Variants in DHX38 observed in about 807,000 individuals in gnomAD.
The protein encoded by DHX38 is DEAH-box helicase 38.
DHX38 carries 100 observed loss-of-function variants against 153.1 expected under a neutral mutation model. The ratio of observed to expected loss-of-function variants is 0.65; its 90% CI spans 0.56 to 0.77. DHX38 has a LOEUF of 0.77. Among genes scored for constraint, DHX38 ranks in the 30% least tolerant of loss-of-function variants. The pLI, the probability that DHX38 is intolerant of heterozygous loss-of-function variation, is 0.00. For synonymous variants in DHX38, 650 were observed against 631.7 expected (o/e 1.03, Z -0.43); for missense variants, 1,440 against 1,654.0 (o/e 0.87, Z 2.24).
In DHX38 at chr16:72,108,296, C is replaced by G. The variant is rs1377960926; in HGVS notation, c.3034C>G (p.Leu1012Val). ...TCCTGAGAGCGATCATTTGACCTAC[C>G]TGAATGTTTACCTGCAGTGGAAGAA... The part of the protein sequence containing the change: ...AVPESDHLTY[L>V]NVYLQWKNNN... Residue 1012 changes from leucine (L) to valine (V), a missense_variant, in exon 22 of 27, where the codon CTG (leucine) becomes GTG (valine). Leu to Val is a conservative substitution (Grantham distance 32, BLOSUM62 1). This residue lies in a region of DHX38 where 543 missense variants were observed against 717.9 expected (regional missense o/e 0.76). Transcript: ENST00000268482. 1 of 1,614,138 alleles carries G rather than the reference C, an allele frequency of 6.2e-7. No individual in the cohort carries two copies. Among genetic ancestry groups the G allele is most frequent in the East Asian group, 2.2e-5 (1 of 44,878 alleles).
rs1048036389 is a variant in DHX38, at chr16:72,096,748, T to G, written c.324-74T>G. On this transcript the variant is annotated intron_variant, in intron 2 of 26. Coordinates refer to ENST00000268482, the MANE Select transcript of DHX38 (RefSeq NM_014003.4). The stretch of plus-strand genomic sequence containing the variant: ...AGTGGAAAAGGACAGATCACTTGTT[T>G]GGACAGCCAAAGGTTTTAGGGCAGA... The G allele has an allele frequency of 5.2e-6, 8 of 1,529,000 alleles. No individual in the cohort carries two copies. The African/African-American group carries it at 1.1e-4, about 21-fold the overall frequency. The allele number at this position is 1,529,000 out of a possible 1,614,324, so 94.7% of individuals were successfully genotyped here.
intron 24 of DHX38, 81 bp from the exon 25 acceptor site, chr16:72,109,334 T>C (rs2042227350): frequency 3.4e-6 from 5 of 1,479,266 alleles, no homozygotes; most frequent in East Asian, 2.4e-5. Context: ...GCCCTTCCCA[T>C]GTGGCTCCTA....
rs1022452030 is a variant in DHX38 at position 72,101,251 on chromosome 16, T to G, written c.1386+58T>G. The stretch of plus-strand genomic sequence containing the variant: ...ATGTGTATTTTTTTCTTTTTTCTTC[T>G]CTTCATAAGTCTTACTAGGCCCACA... On this transcript the variant is annotated intron_variant, in intron 10 of 26. Transcript: ENST00000268482. The G allele has an allele frequency of 4.4e-6, 7 of 1,576,806 alleles. No individual in the cohort carries two copies. The African/African-American group carries it at 9.5e-5, about 21-fold the overall frequency.
In DHX38 at chr16:72,103,668, C is replaced by G. The variant is rs762775948; in HGVS notation, c.1704C>G (p.Tyr568Ter). The change falls in exon 13 of 27, where the codon TAC becomes TAG. Residue 568 changes from tyrosine (Y) to a stop codon, truncating the protein, a stop_gained. Transcript: ENST00000268482. LOFTEE classifies it high-confidence loss of function. ...GSGKTTQLTQ[Y>*]LHEDGYTDYG... Reference sequence around the variant, plus strand: ...GTAAGACCACTCAGCTGACGCAGTACCTGCATGAAGATGGTTACACGGACT... The same window carrying G: ...GTAAGACCACTCAGCTGACGCAGTAGCTGCATGAAGATGGTTACACGGACT... 5.0e-6 allele frequency: 8 copies of G among 1,614,072 alleles called. No individual in the cohort carries two copies. The highest frequency in any genetic ancestry group is 1.1e-5 in the South Asian group (1 of 91,084).
At chr16:72,105,681 CG>C in intron 18 of DHX38, 57 bp downstream of exon 18, 1 of 1,574,302 alleles carries the variant, frequency 6.4e-7, no homozygotes, top group African/African-American at 1.3e-5. Context: ...AACTTAGCTG[CG>C]GGGTGGGAAG....
chr16:72,103,054 A>C lies in DHX38; in HGVS notation c.1500-20A>C. On this transcript the variant is annotated intron_variant, in intron 11 of 26. Coordinates refer to ENST00000268482, the MANE Select transcript of DHX38 (RefSeq NM_014003.4). ...GCATGGGGCACCATGCAGGGTGTTT[A>C]GGCTGCTGTGTGTTCCTAGGACAGA... 6.2e-7 allele frequency: 1 copy of C among 1,613,626 alleles called. No homozygotes were observed. The highest frequency in any genetic ancestry group is 8.5e-7 in the Non-Finnish European group (1 of 1,179,668).
rs186881380 is a variant in DHX38 at position 72,112,560 on chromosome 16, C to T, written c.*63C>T. The T allele has an allele frequency of 3.2e-6, 5 of 1,564,820 alleles. No homozygotes were observed. In the South Asian group the frequency reaches 5.5e-5, roughly 17 times the overall value. ...GGGTCCTCAGCCTTCTGGCGGGAGCCCTGAGGCTGCGGACAAAGCCCTTTC... is the reference window on the plus strand; with the variant it reads ...GGGTCCTCAGCCTTCTGGCGGGAGCTCTGAGGCTGCGGACAAAGCCCTTTC... On this transcript the variant is annotated 3_prime_UTR_variant, in exon 27 of 27. Coordinates refer to ENST00000268482, the MANE Select transcript of DHX38 (RefSeq NM_014003.4).
chr16:72,101,633 G>A lies in DHX38; in HGVS notation c.1499+21G>A, dbSNP rs753710744. Reference sequence around the variant, plus strand: ...TACAGGTGGGCAGCCTCAGCCAGCAGCACATCAGCCTTGCTCCAAAGATGG... The same window carrying A: ...TACAGGTGGGCAGCCTCAGCCAGCAACACATCAGCCTTGCTCCAAAGATGG... On this transcript the variant is annotated intron_variant, in intron 11 of 26. Transcript: ENST00000268482. 19 of 1,545,460 alleles carry A rather than the reference G, an allele frequency of 1.2e-5. No homozygotes were observed. In the South Asian group the frequency reaches 1.9e-4, roughly 16 times the overall value.
intron 1 of DHX38, among the ~76,000 whole-genome samples, chr16:72,095,144 G>A (rs1047235913): frequency 1.3e-5 from 2 of 152,248 alleles, no homozygotes; most frequent in Non-Finnish European, 2.9e-5. Flanking sequence ...GTTGGAATGA[G>A]AGGAATTATC....
rs372331694 is a variant in DHX38 at position 72,110,963 on chromosome 16, G to A, written c.3485G>A (p.Arg1162His). The part of the protein sequence containing the change: ...KQAGKSRQEN[R>H]RRAKEEASAM... ...TCTGTCCCTCTTCAATAGGAGAACC[G>A]TCGTCGGGCCAAAGAGGAAGCCTCT... is the stretch of plus-strand genomic sequence containing the variant. Residue 1162 changes from arginine (R) to histidine (H), a missense_variant, in exon 26 of 27, where the codon CGT becomes CAT. By Grantham distance (29) the Arg-to-His change is conservative. Transcript: ENST00000268482. 4.5e-5 allele frequency: 72 copies of A among 1,587,806 alleles called. No homozygotes were observed. In the South Asian group the frequency reaches 6.7e-4, roughly 15 times the overall value.
chr16:72,112,438 C>A lies in DHX38; in HGVS notation c.3625C>A (p.Arg1209=), dbSNP rs758042333. The change falls in exon 27 of 27, where the codon CGG becomes AGG. Residue 1209 remains arginine, a synonymous_variant. Transcript: ENST00000268482. ...GTCTACGAAGATCTACACTCCAGGC[C>A]GGAAAGAGCAAGGGGAGCCCATGAC... ...VRSTKIYTPG[R]KEQGEPMTPR... The A allele has an allele frequency of 2.5e-6, 4 of 1,610,750 alleles. No homozygotes were observed. The highest frequency in any genetic ancestry group is 3.4e-6 in the Non-Finnish European group (4 of 1,179,976).
rs1245729982 is a variant in DHX38, at chr16:72,112,856, T to G, written c.*359T>G. 1.4e-6 allele frequency: 1 copy of G among 701,348 alleles called. No individual in the cohort carries two copies. The highest frequency in any genetic ancestry group is 1.5e-5 in the South Asian group (1 of 67,220). 43.4% of individuals were successfully genotyped at this position (701,348 alleles called of 1,614,324 possible). A position where few individuals can be genotyped will look rare whatever the true frequency, so the allele number is the denominator to read the frequency against. On this transcript the variant is annotated 3_prime_UTR_variant, in exon 27 of 27. Transcript: ENST00000268482. ...AGCAGCAAAAAAGACCTAAAGGGAA[T>G]TGTAATTTGGTTATAATTCAGGATT... is the stretch of plus-strand genomic sequence containing the variant.
At chr16:72,100,372 C>T (rs1476723925) in intron 8 of DHX38, 64 bp from the exon 9 acceptor site, 1 of 1,563,658 alleles carries the variant, frequency 6.4e-7, no homozygotes, top group Non-Finnish European at 8.7e-7. Context: ...GGACTTACCT[C>T]ATAACCTTTC....
At chr16:72,111,918 G>A (rs998906361) in intron 26 of DHX38, among the ~76,000 whole-genome samples, 1 of 152,198 alleles carries the variant, frequency 6.6e-6, no homozygotes, top group African/African-American at 2.4e-5. Context: ...TGCTAACCCC[G>A]GGGCAGAGAG....
At position 72,104,462 on chromosome 16, in the gene DHX38, C is replaced by A; in HGVS notation, c.2011-24C>A. 1 of 1,611,564 alleles carries A rather than the reference C, an allele frequency of 6.2e-7. No homozygotes were observed. ...GAGCCAAGGGTCCCCACCATGGGGG[C>A]CTCCGAGCCGCCTCTTCTCTCAGGT... On this transcript the variant is annotated intron_variant, in intron 14 of 26. Transcript: ENST00000268482. This position sits in a 1 kb window ranked among gnomAD's most constrained non-coding sequence, Gnocchi z 4.5.
At position 72,107,197 on chromosome 16, in the gene DHX38, T is replaced by C. The variant is rs1211217206; in HGVS notation, c.2601-143T>C. ...AGGGCTAAATTGGCAGATTGGAGTT[T>C]TGAATAGGTGGAAGTCAGTGATTCA... On this transcript the variant is annotated intron_variant, in intron 19 of 26. Coordinates refer to ENST00000268482, the MANE Select transcript of DHX38 (RefSeq NM_014003.4). The surrounding 1 kb of genome is among the most constrained non-coding windows in gnomAD (Gnocchi z 5.3). 3.5e-6 allele frequency: 3 copies of C among 847,752 alleles called. No homozygotes were observed. Among genetic ancestry groups the C allele is most frequent in the Non-Finnish European group, 5.4e-6 (3 of 558,270 alleles). The allele number at this position is 847,752 out of a possible 1,614,324, so 52.5% of individuals were successfully genotyped here.
chr16:72,104,984 C>A lies in DHX38; in HGVS notation c.2152-43C>A, dbSNP rs375727534. ...GCTCCCAGGAGATGCCCGGCCTGCG[C>A]TTCTAGTACCTCCCTCTGACTGTGT... On this transcript the variant is annotated intron_variant, in intron 15 of 26. Transcript: ENST00000268482. This position sits in a 1 kb window ranked among gnomAD's most constrained non-coding sequence, Gnocchi z 4.5. 18 of 1,592,710 alleles carry A rather than the reference C, an allele frequency of 1.1e-5. No individual in the cohort carries two copies. The highest frequency in any genetic ancestry group is 5.4e-5 in the African/African-American group (4 of 74,568).
rs1445834248 is a variant in DHX38, at chr16:72,103,927, C to T, written c.1825-19C>T. 2.5e-6 allele frequency: 4 copies of T among 1,611,920 alleles called. No homozygotes were observed. Among genetic ancestry groups the T allele is most frequent in the East Asian group, 2.2e-5 (1 of 44,810 alleles). On this transcript the variant is annotated intron_variant, in intron 13 of 26. Coordinates refer to ENST00000268482, the MANE Select transcript of DHX38 (RefSeq NM_014003.4). ...TGAGCCGGTGGCCAGGGCATCTGAG[C>T]CATCTCTCTGACCTCCAGGTGGGCT...
rs201188851 is a variant in DHX38 at position 72,099,813 on chromosome 16, G to A, written c.1042G>A (p.Val348Met). ...GCTGGCCTACTCCTCCGAGGACTACGTGAGGAGGCGGGAGCAGCACCTGCA... is the reference window on the plus strand; with the variant it reads ...GCTGGCCTACTCCTCCGAGGACTACATGAGGAGGCGGGAGCAGCACCTGCA... ...NPLAYSSEDY[V>M]RRREQHLHKQ... Residue 348 changes from valine to methionine, a missense_variant, in exon 8 of 27, where the codon GTG becomes ATG. This residue lies in a region of DHX38 where 77 missense variants were observed against 125.4 expected (regional missense o/e 0.61). Transcript: ENST00000268482. 18 of 1,614,062 alleles carry A rather than the reference G, an allele frequency of 1.1e-5. No individual in the cohort carries two copies. Among genetic ancestry groups the A allele is most frequent in the East Asian group, 8.9e-5 (4 of 44,880 alleles).
Sources: gnomAD v4.1 joint callset for allele counts (sites outside exome capture counted in the v4.1 genomes callset) on GRCh38, gnomAD v4.1.1 for gene constraint, gnomAD v4.1.1 regional missense constraint, Gnocchi (gnomAD v3.1) non-coding constraint, MANE v1.5 for transcripts, NCBI Gene and HGNC (gene_info 2026-07-23, HGNC 2026-07-21) for gene names.